Variants in RSRP1 observed in about 807,000 individuals in gnomAD.
RSRP1 encodes arginine/serine-rich protein 1.
A neutral mutation model predicts 33.0 loss-of-function variants in RSRP1; 37 were observed. The ratio of observed to expected loss-of-function variants is 1.12; its 90% CI spans 0.86 to 1.48. The LOEUF (loss-of-function observed/expected upper bound fraction) is 1.48, where lower values mean the gene tolerates loss of function less well. Ranked by LOEUF, RSRP1 falls within the 40% of genes most tolerant of loss-of-function variation. The probability of loss-of-function intolerance (pLI) is 0.00; values close to 1 mark genes in which losing one functional copy is unlikely to be tolerated. For synonymous variants in RSRP1, 167 were observed against 158.7 expected (o/e 1.05, Z -0.40); for missense variants, 402 against 385.3 (o/e 1.04, Z -0.36).
rs545059979 is a variant in RSRP1 at position 25,270,531 on chromosome 1, A to AC, written c.-66-23503dup. ...CTAATGCCTGATGATCTGAGGTGGA[A>AC]CAGTTTCATCCCCAAACCATCCCTC... On this transcript the variant is annotated intron_variant, in intron 1 of 1. Transcript: ENST00000561867. Among the ~76,000 whole-genome samples the AC allele has an allele frequency of 8.6e-4, 113 of 131,932 alleles. 17 individuals carry two copies. The South Asian group carries it at 0.025, about 29-fold the overall frequency. 86.6% of individuals were successfully genotyped at this position (131,932 alleles called of 152,430 possible).
chr1:25,301,065 A>T (rs1365006232), intron 1 of RSRP1: 1 of 1,376,694 alleles, frequency 7.3e-7, no homozygotes, highest in South Asian at 1.2e-5. Flanking sequence ...ATCAGACAGC[A>T]ACGATACCCA....
intron 1 of RSRP1, among the ~76,000 whole-genome samples, chr1:25,298,965 C>T (rs1474888894): frequency 8.1e-6 from 1 of 123,876 alleles, no homozygotes. Context: ...CTGAAGGTAA[C>T]GAGTGCACAA....
chr1:25,289,241 C>T (rs992878034), intron 1 of RSRP1, among the ~76,000 whole-genome samples: 2 of 132,732 alleles, frequency 1.5e-5, no homozygotes. Flanking sequence ...GTTGCCCAGG[C>T]TGGAGTGCAG....
intron 1 of RSRP1, among the ~76,000 whole-genome samples, chr1:25,268,219 A>G (rs145135455): frequency 1.5e-5 from 2 of 133,010 alleles, no homozygotes; most frequent in Admixed American, 7.3e-5. Context: ...GGGGAAAGCA[A>G]ATAATGAACA....
At chr1:25,244,915 C>T in intron 3 of RSRP1, 1 of 1,359,490 alleles carries the variant, frequency 7.4e-7, no homozygotes, top group Admixed American at 3.0e-5. Context: ...AACTCCTGGA[C>T]TCAAGCCATC....
At chr1:25,333,489 G>A (rs2124209677) in intron 1 of RSRP1, among the ~76,000 whole-genome samples, 1 of 129,372 alleles carries the variant, frequency 7.7e-6, no homozygotes, top group South Asian at 2.3e-4. Flanking sequence ...AGACAAGTGT[G>A]GTGTGTATCA....
chr1:25,276,217 C>T lies in RSRP1; in HGVS notation c.-66-29188G>A, dbSNP rs111814301. ...TTTTTGTTTTTGTTTTTTAAGTCTC[C>T]ATCTGTTAGAGAGGCACATTGAAAT... is the stretch of plus-strand genomic sequence containing the variant. On this transcript the variant is annotated intron_variant, in intron 1 of 1. Transcript: ENST00000561867. 2.1e-4 allele frequency among the ~76,000 whole-genome samples: 27 copies of T among 129,520 alleles called. 5 individuals carry two copies. Among genetic ancestry groups the T allele is most frequent in the Admixed American group, 6.8e-4 (9 of 13,218 alleles). 85.0% of individuals were successfully genotyped at this position (129,520 alleles called of 152,430 possible). A position where few individuals can be genotyped will look rare whatever the true frequency, so the allele number is the denominator to read the frequency against.
At chr1:25,247,548 G>A (rs1048325714), upstream of RSRP1, 2 of 152,268 alleles carry the variant, frequency 1.3e-5, no homozygotes, top group African/African-American at 4.8e-5. Context: ...CTCTTCTCTT[G>A]CCCAACCACC....
chr1:25,256,119 G>A (rs1347006439), intron 1 of RSRP1, among the ~76,000 whole-genome samples: 1 of 148,898 alleles, frequency 6.7e-6, no homozygotes, highest in African/African-American at 2.5e-5. Flanking sequence ...TAATGGATAA[G>A]TTTTTCCTGG....
rs1251726450 is a variant in RSRP1 at position 25,292,033 on chromosome 1, G to T, written c.-66-45004C>A. On this transcript the variant is annotated intron_variant, in intron 1 of 1. Coordinates refer to the RSRP1 transcript ENST00000561867. ...AGGCTGGGGTTTGCATCCCAGCTCT[G>T]CCATAAATCCCTGTGTGACTCTGGG... 3.5e-4 allele frequency among the ~76,000 whole-genome samples: 46 copies of T among 132,800 alleles called. 8 individuals are homozygous for T. Among genetic ancestry groups the T allele is most frequent in the African/African-American group, 1.2e-3 (45 of 38,996 alleles). 87.1% of individuals were successfully genotyped at this position (132,800 alleles called of 152,430 possible).
At chr1:25,304,852 G>A (rs1441277021) in intron 1 of RSRP1, 1 of 131,844 alleles carries the variant, frequency 7.6e-6, no homozygotes, top group African/African-American at 2.6e-5. Context: ...GCAGAAAAAA[G>A]AACACATAGC....
exon 1 of RSRP1, chr1:25,337,983 G>C (rs1055898964): frequency 2.0e-5 from 3 of 152,370 alleles, no homozygotes; most frequent in Non-Finnish European, 4.4e-5. Flanking sequence ...CCCACCTTTT[G>C]CACCACGCGG....
At chr1:25,257,927 A>T (rs977660913) in intron 1 of RSRP1, among the ~76,000 whole-genome samples, 2 of 152,078 alleles carry the variant, frequency 1.3e-5, no homozygotes, top group African/African-American at 4.8e-5. Context: ...AATAGATTTG[A>T]GGCAGACTTT....
intron 1 of RSRP1, 26 bp from the exon 2 acceptor site, chr1:25,247,055 A>C: frequency 7.5e-7 from 1 of 1,326,946 alleles, no homozygotes; most frequent in Non-Finnish European, 1.0e-6. Context: ...AGAAAAAACA[A>C]GTCGAGTCGC....
At position 25,247,289 on chromosome 1, in the gene RSRP1, C is replaced by A; in HGVS notation, c.-67+20G>T. On this transcript the variant is annotated intron_variant, in intron 1 of 4. Transcript: ENST00000243189. ...GACCACTGCGGTGGTCCTGAGAGAC[C>A]CCGTCAGCAGAAAACTTACCGCACG... is the stretch of plus-strand genomic sequence containing the variant. The A allele has an allele frequency of 3.2e-6, 1 of 314,900 alleles. No homozygotes were observed. Among genetic ancestry groups the A allele is most frequent in the Non-Finnish European group, 5.8e-6 (1 of 171,458 alleles). The allele number at this position is 314,900 out of a possible 1,614,324, so 19.5% of individuals were successfully genotyped here.
chr1:25,259,077 A>T (rs1250730875), intron 1 of RSRP1, among the ~76,000 whole-genome samples: 1 of 152,024 alleles, frequency 6.6e-6, no homozygotes, highest in African/African-American at 2.4e-5. Flanking sequence ...GCTAAGGTTA[A>T]TTTATTATTA....
intron 3 of RSRP1, chr1:25,244,569 C>T: frequency 7.8e-7 from 1 of 1,286,360 alleles, no homozygotes; most frequent in South Asian, 1.2e-5. Flanking sequence ...GAACATAATG[C>T]TGCAAATGAA....
In RSRP1 at chr1:25,246,909, G is replaced by A. The variant is rs374161783; in HGVS notation, c.55C>T (p.Pro19Ser). ...GACCCGCCCGACCGCGAGGTCGAGGGCGAATCCTTCTCCTGCGGCGAGCCC... is the reference window on the plus strand; with the variant it reads ...GACCCGCCCGACCGCGAGGTCGAGGACGAATCCTTCTCCTGCGGCGAGCCC... ...WPGSPQEKDS[P>S]STSRSGGSSR... is the part of the protein sequence containing the mutation. Residue 19 changes from proline to serine, a missense_variant, in exon 2 of 5, where the codon CCC becomes TCC. Physicochemically the swap from Pro to Ser is moderately conservative, Grantham distance 74. Transcript: ENST00000243189. 5 of 1,600,778 alleles carry A rather than the reference G, an allele frequency of 3.1e-6. No homozygotes were observed. The African/African-American group carries it at 5.4e-5, about 17-fold the overall frequency.
chr1:25,251,514 C>G (rs772724048), upstream of RSRP1, among the ~76,000 whole-genome samples: 5 of 151,898 alleles, frequency 3.3e-5, no homozygotes, highest in Admixed American at 6.6e-5. Flanking sequence ...GGATTACAGG[C>G]TTGTGCCATC....
Sources: allele counts gnomAD v4.1 joint callset (sites outside exome capture counted in the v4.1 genomes callset), GRCh38; gene constraint gnomAD v4.1.1; transcripts MANE v1.5; gene names NCBI Gene and HGNC (gene_info 2026-07-23, HGNC 2026-07-21).